The following KCTD1 variants were observed in gnomAD, a reference collection of about 807,000 sequenced individuals.
The protein encoded by KCTD1 is potassium channel tetramerization domain containing 1.
KCTD1 carries 24 observed loss-of-function variants against 66.0 expected under a neutral mutation model. That is an observed-to-expected ratio of 0.36 (90% CI 0.26 to 0.51). The LOEUF (loss-of-function observed/expected upper bound fraction) is 0.51. Among genes scored for constraint, KCTD1 ranks in the 20% least tolerant of loss-of-function variants. The probability of loss-of-function intolerance (pLI) is 0.95; values close to 1 mark genes in which losing one functional copy is unlikely to be tolerated. For synonymous variants in KCTD1, 511 were observed against 517.2 expected (o/e 0.99, Z 0.16); for missense variants, 943 against 1,205.2 (o/e 0.78, Z 3.22).
intron 1 of KCTD1, among the ~76,000 whole-genome samples, chr18:26,610,503 A>G (rs1987110868): frequency 1.3e-5 from 2 of 152,102 alleles, no homozygotes; most frequent in Non-Finnish European, 2.9e-5. Flanking sequence ...GTTTGAGCCC[A>G]TAAATTTAAG....
At chr18:26,556,477 C>A (rs549391493) in intron 1 of KCTD1, among the ~76,000 whole-genome samples, 1 of 152,298 alleles carries the variant, frequency 6.6e-6, no homozygotes, top group African/African-American at 2.4e-5. Flanking sequence ...TCTTTTCTCT[C>A]TTTATAGCTC....
At chr18:26,520,085 G>C (rs1430964092) in intron 1 of KCTD1, among the ~76,000 whole-genome samples, 2 of 152,232 alleles carry the variant, frequency 1.3e-5, no homozygotes, top group Admixed American at 6.5e-5. Flanking sequence ...ATTTGAGTTA[G>C]TAGCTCTAAA....
intron 1 of KCTD1, among the ~76,000 whole-genome samples, chr18:26,533,579 A>C (rs2144783600): frequency 6.6e-6 from 1 of 152,276 alleles, no homozygotes; most frequent in African/African-American, 2.4e-5. Flanking sequence ...GGCTCACTGC[A>C]ACCTCCACCT....
At chr18:26,567,484 TGTTG>T (rs1203557375) in intron 1 of KCTD1, among the ~76,000 whole-genome samples, 39 of 126,638 alleles carry the variant, frequency 3.1e-4, no homozygotes, top group African/African-American at 1.2e-3. Flanking sequence ...GTTCTGTTGT[TGTTG>T]TTTTTTTTTT....
chr18:26,492,255 G>A (rs1436259071), intron 2 of KCTD1, among the ~76,000 whole-genome samples: 7 of 151,848 alleles, frequency 4.6e-5, no homozygotes, highest in African/African-American at 1.7e-4. Flanking sequence ...AAAAAAAATT[G>A]GAATCTTTGA....
chr18:26,644,072 A>T (rs1987887611), upstream of KCTD1, among the ~76,000 whole-genome samples: 1 of 152,082 alleles, frequency 6.6e-6, no homozygotes, highest in Non-Finnish European at 1.5e-5. Context: ...TTTGCATAGC[A>T]CTTAATCCTA....
At position 26,546,807 on chromosome 18, in the gene KCTD1, G is replaced by A; in HGVS notation, c.1730C>T (p.Pro577Leu). 1 of 1,545,832 alleles carries A rather than the reference G, an allele frequency of 6.5e-7. No individual in the cohort carries two copies. Among genetic ancestry groups the A allele is most frequent in the Non-Finnish European group, 8.7e-7 (1 of 1,144,900 alleles). Residue 577 changes from proline to leucine, a missense_variant, in exon 1 of 5, where the codon CCT becomes CTT. Physicochemically the swap from Pro to Leu is moderately conservative, Grantham distance 98. Coordinates refer to ENST00000580059, the MANE Select transcript of KCTD1 (RefSeq NM_001142730.3). The stretch of plus-strand genomic sequence containing the variant: ...GTGCCCATTGGCTTCTGGAAGAAGA[G>A]GCAGGGGGTCGTGTTTCACGGAAAC... The part of the protein sequence containing the change: ...VVVSVKHDPL[P>L]LLPEANGHRS...
chr18:26,529,955 T>C (rs1456487434), intron 1 of KCTD1, among the ~76,000 whole-genome samples: 1 of 152,160 alleles, frequency 6.6e-6, no homozygotes, highest in Non-Finnish European at 1.5e-5. Flanking sequence ...ACATAAACAA[T>C]GTCAACAAAA....
At chr18:26,539,953 G>A (rs911937233) in intron 1 of KCTD1, among the ~76,000 whole-genome samples, 26 of 152,168 alleles carry the variant, frequency 1.7e-4, no homozygotes, top group African/African-American at 6.3e-4. Context: ...GGGTGAGGCA[G>A]AGAAATGTAC....
intron 3 of KCTD1, among the ~76,000 whole-genome samples, chr18:26,461,138 G>A (rs533477729): frequency 5.9e-5 from 9 of 152,334 alleles, no homozygotes; most frequent in African/African-American, 2.2e-4. Context: ...ATGACCATGG[G>A]ATAAATATTT....
At chr18:26,633,434 G>T (rs536029185), upstream of KCTD1, among the ~76,000 whole-genome samples, 2 of 151,954 alleles carry the variant, frequency 1.3e-5, no homozygotes, top group African/African-American at 2.4e-5. Context: ...AAACACAAGA[G>T]GCCATAAAAG....
At chr18:26,558,940 GAAAA>G (rs771697407) in intron 1 of KCTD1, among the ~76,000 whole-genome samples, 113 of 145,890 alleles carry the variant, frequency 7.7e-4, no homozygotes, top group Middle Eastern at 3.5e-3. Context: ...AGCAAAAAAA[GAAAA>G]AAAAAAGAGA....
Position 26,534,073 on chromosome 18 carries a change from T to C in KCTD1, c.1809+12655A>G, listed in dbSNP as rs376497086. On this transcript the variant is annotated intron_variant, in intron 1 of 4. Coordinates refer to ENST00000580059, the MANE Select transcript of KCTD1 (RefSeq NM_001142730.3). ...CTTATAATTAGGAAAAATCAATTTG[T>C]ATATTTTTTTATGAGATGGATAATC... is the stretch of plus-strand genomic sequence containing the variant. Among the ~76,000 whole-genome samples, 8 of 152,278 alleles carry C rather than the reference T, an allele frequency of 5.3e-5. No homozygotes were observed. In the East Asian group the frequency reaches 1.3e-3, roughly 26 times the overall value.
chr18:26,569,458 T>A (rs1472977628), intron 1 of KCTD1, among the ~76,000 whole-genome samples: 2 of 152,072 alleles, frequency 1.3e-5, no homozygotes, highest in Non-Finnish European at 2.9e-5. Context: ...ACAGCTCAAA[T>A]GTCATGGAAA....
At chr18:26,610,597 G>T (rs2438420) in intron 1 of KCTD1, among the ~76,000 whole-genome samples, 70,869 of 146,754 alleles carry the variant, frequency 0.48, 16,862 homozygotes, top group South Asian at 0.55. Context: ...GAGAAAGAAA[G>T]GAAGGAAGGA....
At chr18:26,551,977 A>T (rs1235677359), upstream of KCTD1, among the ~76,000 whole-genome samples, 1 of 152,170 alleles carries the variant, frequency 6.6e-6, no homozygotes, top group Non-Finnish European at 1.5e-5. Context: ...TGCAGGATAC[A>T]TGACTTCTTT....
In KCTD1 at chr18:26,468,712, G is replaced by A. The variant is rs1980884830; in HGVS notation, c.2133+7803C>T. Among the ~76,000 whole-genome samples, 2 of 152,072 alleles carry A rather than the reference G, an allele frequency of 1.3e-5. No individual in the cohort carries two copies. Among genetic ancestry groups the A allele is most frequent in the Non-Finnish European group, 2.9e-5 (2 of 68,020 alleles). On this transcript the variant is annotated intron_variant, in intron 3 of 4. Transcript: ENST00000580059. The surrounding 1 kb of genome is among the most constrained non-coding windows in gnomAD (Gnocchi z 4.8). Reference sequence around the variant, plus strand: ...TGTGCCTGTGGCGTGGTGGCGTGTGGTGGCGTGTGCCTGTAGTCCAGCTAC... The same window carrying A: ...TGTGCCTGTGGCGTGGTGGCGTGTGATGGCGTGTGCCTGTAGTCCAGCTAC...
At chr18:26,591,577 C>T (rs1186639879) in intron 1 of KCTD1, 1 of 152,322 alleles carries the variant, frequency 6.6e-6, no homozygotes, top group East Asian at 1.9e-4. Flanking sequence ...TTCACCATGG[C>T]CACCTTCCTG....
At chr18:26,572,543 G>A (rs1986133797) in intron 1 of KCTD1, among the ~76,000 whole-genome samples, 1 of 152,198 alleles carries the variant, frequency 6.6e-6, no homozygotes, top group South Asian at 2.1e-4. Context: ...TAAGGGATGT[G>A]AACATCAGAA....
Sources: allele counts gnomAD v4.1 joint callset (sites outside exome capture counted in the v4.1 genomes callset), GRCh38; gene constraint gnomAD v4.1.1; non-coding constraint Gnocchi (gnomAD v3.1); transcripts MANE v1.5; gene names NCBI Gene and HGNC (gene_info 2026-07-23, HGNC 2026-07-21).